Variants in EPAS1 observed in about 807,000 individuals in gnomAD.
The protein encoded by EPAS1 is endothelial PAS domain-containing protein 1.
Under a neutral mutation model 87.9 loss-of-function variants are expected in EPAS1, and 23 were observed. The observed-to-expected ratio is 0.26, with a 90% CI of 0.19 to 0.37. The LOEUF (loss-of-function observed/expected upper bound fraction) is 0.37. Ranked by LOEUF, EPAS1 falls within the 10% of genes least tolerant of loss-of-function variation. The pLI, the probability that EPAS1 is intolerant of heterozygous loss-of-function variation, is 1.00. For missense variants in EPAS1, 1,138 were observed against 1,120.7 expected (o/e 1.02, Z -0.22); for synonymous variants, 508 against 444.3 (o/e 1.14, Z -1.80).
chr2:46,382,916 A>AC (rs1684934305), intron 15 of EPAS1, among the ~76,000 whole-genome samples: 1 of 152,080 alleles, frequency 6.6e-6, no homozygotes. Context: ...TGGGTTGGCG[A>AC]CCCCCAGAAC....
Position 46,297,808 on chromosome 2 carries a change from C to T in EPAS1, c.-104C>T, listed in dbSNP as rs1033047718. The T allele has an allele frequency of 4.6e-6, 7 of 1,510,430 alleles. No individual in the cohort carries two copies. The highest frequency in any genetic ancestry group is 6.3e-6 in the Non-Finnish European group (7 of 1,113,080). The allele number at this position is 1,510,430 out of a possible 1,614,324, so 93.6% of individuals were successfully genotyped here. A position where few individuals can be genotyped will look rare whatever the true frequency, so the allele number is the denominator to read the frequency against. ...GGGACCTGCGCGCACCTCGGACCTT[C>T]ACCACCCGCCCGGGCCGCGGGGAGC... On this transcript the variant is annotated 5_prime_UTR_variant, in exon 1 of 16. Coordinates refer to ENST00000263734, the MANE Select transcript of EPAS1 (RefSeq NM_001430.5).
intron 4 of EPAS1, among the ~76,000 whole-genome samples, chr2:46,359,341 C>T (rs904870933): frequency 6.7e-6 from 1 of 148,362 alleles, no homozygotes; most frequent in Non-Finnish European, 1.5e-5. Context: ...CTCAATAATA[C>T]CCCAGCAACA....
At chr2:46,384,373 C>G (rs1684962904) in intron 15 of EPAS1, 136 bp from the exon 16 acceptor site, 8 of 1,251,066 alleles carry the variant, frequency 6.4e-6, no homozygotes. Context: ...ATGCAGCAGG[C>G]CGTGGGACAG....
At position 46,377,465 on chromosome 2, in the gene EPAS1, G is replaced by A. The variant is rs116595237; in HGVS notation, c.1250-429G>A. Among the ~76,000 whole-genome samples the A allele has an allele frequency of 2.1e-3, 320 of 152,274 alleles. 2 individuals are homozygous for A. Among genetic ancestry groups the A allele is most frequent in the African/African-American group, 7.0e-3 (291 of 41,558 alleles). ...GCCCCTTTTAGATGGGTTCTACAGCGGCCACGTGAGGATTGCAGCTAAAGA... is the reference window on the plus strand; with the variant it reads ...GCCCCTTTTAGATGGGTTCTACAGCAGCCACGTGAGGATTGCAGCTAAAGA... On this transcript the variant is annotated intron_variant, in intron 9 of 15. Coordinates refer to ENST00000263734, the MANE Select transcript of EPAS1 (RefSeq NM_001430.5).
chr2:46,360,656 A>G lies in EPAS1; in HGVS notation c.473A>G (p.Lys158Arg). The part of the protein sequence containing the change: ...SLKNGSGFGK[K>R]SKDMSTERDF... Reference sequence around the variant, plus strand: ...CATCCAGGCTCTGGTTTTGGGAAAAAAAGCAAAGACATGTCCACAGAGCGG... The same window carrying G: ...CATCCAGGCTCTGGTTTTGGGAAAAGAAGCAAAGACATGTCCACAGAGCGG... The change falls in exon 5 of 16, where the codon AAA (lysine) becomes AGA (arginine). Residue 158 changes from lysine (K) to arginine (R), a missense_variant. By Grantham distance (26) the Lys-to-Arg change is conservative. This residue lies in a region of EPAS1 where 351 missense variants were observed against 417.1 expected (regional missense o/e 0.84). Coordinates refer to ENST00000263734, the MANE Select transcript of EPAS1 (RefSeq NM_001430.5). This position sits in a 1 kb window ranked among gnomAD's most constrained non-coding sequence, Gnocchi z 4.5. 1 of 1,613,858 alleles carries G rather than the reference A, an allele frequency of 6.2e-7. No homozygotes were observed. Among genetic ancestry groups the G allele is most frequent in the African/African-American group, 1.3e-5 (1 of 75,024 alleles).
In EPAS1 at chr2:46,297,710, T is replaced by C. The variant is rs1046573432; in HGVS notation, c.-202T>C. 5.1e-5 allele frequency: 31 copies of C among 604,208 alleles called. 1 individual carries two copies. The highest frequency in any genetic ancestry group is 8.8e-4 in the Middle Eastern group (2 of 2,264). The allele number at this position is 604,208 out of a possible 1,614,324, so 37.4% of individuals were successfully genotyped here. ...GCCTCCGCGCGCAGGTTCCTCCCAG[T>C]CACCTTTCTCCACCCCCGCCCCCGC... On this transcript the variant is annotated 5_prime_UTR_variant, in exon 1 of 16. Transcript: ENST00000263734.
At chr2:46,345,108 G>A (rs967166671) in intron 1 of EPAS1, among the ~76,000 whole-genome samples, 2 of 152,214 alleles carry the variant, frequency 1.3e-5, no homozygotes, top group Non-Finnish European at 2.9e-5. Context: ...TTGAGGCCTT[G>A]AAACCTATGA....
chr2:46,363,821 G>T (rs1157163472), intron 6 of EPAS1, among the ~76,000 whole-genome samples: 1 of 152,160 alleles, frequency 6.6e-6, no homozygotes, highest in East Asian at 1.9e-4. Flanking sequence ...ATGGCCCCAA[G>T]TCTGAATTCA....
intron 1 of EPAS1, among the ~76,000 whole-genome samples, chr2:46,301,932 A>T (rs542281070): frequency 6.6e-6 from 1 of 152,258 alleles, no homozygotes; most frequent in South Asian, 2.1e-4. Flanking sequence ...CTACTTATAT[A>T]GGTAGACCTC....
rs1011888986 is a variant in EPAS1, at chr2:46,347,252, G to A, written c.217+189G>A. The A allele has an allele frequency of 3.5e-5, 24 of 691,912 alleles. No individual in the cohort carries two copies. Among genetic ancestry groups the A allele is most frequent in the African/African-American group, 1.2e-4 (7 of 56,740 alleles). The allele number at this position is 691,912 out of a possible 1,614,324, so 42.9% of individuals were successfully genotyped here. A position where few individuals can be genotyped will look rare whatever the true frequency, so the allele number is the denominator to read the frequency against. On this transcript the variant is annotated intron_variant, in intron 2 of 15. Transcript: ENST00000263734. The surrounding 1 kb of genome is among the most constrained non-coding windows in gnomAD (Gnocchi z 4.2). Reference sequence around the variant, plus strand: ...CTCTCTTCCAGCAGTGACCTTTACCGTGAATCCAGCTGTGAGAGGAGGGCA... The same window carrying A: ...CTCTCTTCCAGCAGTGACCTTTACCATGAATCCAGCTGTGAGAGGAGGGCA...
intron 1 of EPAS1, among the ~76,000 whole-genome samples, chr2:46,302,510 T>C (rs1437044986): frequency 1.3e-5 from 2 of 152,096 alleles, no homozygotes; most frequent in Non-Finnish European, 2.9e-5. Flanking sequence ...GTTAGCAATA[T>C]TAGCTCCTGG....
chr2:46,358,275 T>C (rs1684310368), intron 4 of EPAS1, among the ~76,000 whole-genome samples: 1 of 152,216 alleles, frequency 6.6e-6, no homozygotes, highest in Non-Finnish European at 1.5e-5. Flanking sequence ...CTCTGCTCTC[T>C]CTTCTGCAGG....
At chr2:46,325,366 T>C (rs768576301) in intron 1 of EPAS1, among the ~76,000 whole-genome samples, 2 of 152,178 alleles carry the variant, frequency 1.3e-5, no homozygotes, top group Non-Finnish European at 2.9e-5. Context: ...TAAAGAAAAA[T>C]TCTGCCGATG....
At chr2:46,328,259 G>C (rs1332270463) in intron 1 of EPAS1, among the ~76,000 whole-genome samples, 1 of 152,210 alleles carries the variant, frequency 6.6e-6, no homozygotes, top group Non-Finnish European at 1.5e-5. Context: ...GAGCTTGAGT[G>C]GGTCTTGAAG....
intron 6 of EPAS1, among the ~76,000 whole-genome samples, chr2:46,364,064 T>G (rs1684455663): frequency 6.6e-6 from 1 of 152,170 alleles, no homozygotes; most frequent in African/African-American, 2.4e-5. Flanking sequence ...CTCTTTGTGG[T>G]GGGATGGGGA....
At chr2:46,356,129 T>TGGGGGGGGGGGC in intron 2 of EPAS1, 22 bp from the exon 3 acceptor site, 1 of 1,242,738 alleles carries the variant, frequency 8.0e-7, no homozygotes, top group Non-Finnish European at 1.1e-6. Flanking sequence ...ATGCAAGCTG[T>TGGGGGGGGGGGC]CCCACCCCCC....
chr2:46,366,183 C>T (rs770085025), intron 6 of EPAS1, among the ~76,000 whole-genome samples: 8 of 152,252 alleles, frequency 5.3e-5, no homozygotes, highest in Non-Finnish European at 1.2e-4. Context: ...AGCGAGCCTT[C>T]TCAGGCCTGT....
At chr2:46,338,511 A>T (rs112319401) in intron 1 of EPAS1, among the ~76,000 whole-genome samples, 146 of 152,316 alleles carry the variant, frequency 9.6e-4, no homozygotes, top group African/African-American at 3.2e-3. Context: ...TCATGAGTGA[A>T]GACAGCACCG....
intron 2 of EPAS1, 24 bp from the exon 3 acceptor site, chr2:46,356,127 T>TTGGGGGGGGGGGGGGGGG: frequency 2.1e-6 from 3 of 1,395,474 alleles, no homozygotes; most frequent in Non-Finnish European, 3.0e-6. Context: ...TCATGCAAGC[T>TTGGGGGGGGGGGGGGGGG]GTCCCACCCC....
Sources: gnomAD v4.1 joint callset for allele counts (sites outside exome capture counted in the v4.1 genomes callset) on GRCh38, gnomAD v4.1.1 for gene constraint, gnomAD v4.1.1 regional missense constraint, Gnocchi (gnomAD v3.1) non-coding constraint, MANE v1.5 for transcripts, NCBI Gene and HGNC (gene_info 2026-07-23, HGNC 2026-07-21) for gene names.